The following GPC5 variants were observed in gnomAD, a reference collection of about 807,000 sequenced individuals.
The protein encoded by GPC5 is glypican-5.
A neutral mutation model predicts 53.9 loss-of-function variants in GPC5; 47 were observed. The ratio of observed to expected loss-of-function variants is 0.87; its 90% CI spans 0.69 to 1.11. The LOEUF (loss-of-function observed/expected upper bound fraction) is 1.11, where lower values mean the gene tolerates loss of function less well. Ranked by LOEUF, GPC5 falls within the 50% of genes most tolerant of loss-of-function variation. GPC5 has a pLI of 0.00. For synonymous variants in GPC5, 286 were observed against 263.3 expected (o/e 1.09, Z -0.84); for missense variants, 748 against 713.1 (o/e 1.05, Z -0.56).
At chr13:91,407,143 T>C (rs1016196986) in intron 1 of GPC5, among the ~76,000 whole-genome samples, 1 of 152,214 alleles carries the variant, frequency 6.6e-6, no homozygotes, top group South Asian at 2.1e-4. Context: ...TTATTTTTTA[T>C]GCTTAATGTT....
At chr13:92,783,190 A>T (rs1198202459) in intron 7 of GPC5, among the ~76,000 whole-genome samples, 1 of 152,184 alleles carries the variant, frequency 6.6e-6, no homozygotes, top group East Asian at 1.9e-4. Flanking sequence ...CTCATGACTC[A>T]GGTATCTTCT....
At chr13:91,953,020 G>C (rs1397861208) in intron 6 of GPC5, among the ~76,000 whole-genome samples, 2 of 152,148 alleles carry the variant, frequency 1.3e-5, no homozygotes, top group Non-Finnish European at 2.9e-5. Flanking sequence ...GTGTCCTGGA[G>C]AGGACAATAA....
intron 7 of GPC5, among the ~76,000 whole-genome samples, chr13:92,651,228 C>T (rs1307585711): frequency 7.7e-6 from 1 of 129,876 alleles, no homozygotes; most frequent in African/African-American, 2.7e-5. Context: ...CTGACCAATA[C>T]ACCATATGAA....
chr13:92,089,554 G>T (rs909557826), intron 6 of GPC5, among the ~76,000 whole-genome samples: 1 of 151,936 alleles, frequency 6.6e-6, no homozygotes, highest in Non-Finnish European at 1.5e-5. Context: ...TTTTAAAAAG[G>T]CATATTTTAA....
chr13:92,839,380 T>C (rs1878341442), intron 7 of GPC5, among the ~76,000 whole-genome samples: 1 of 152,160 alleles, frequency 6.6e-6, no homozygotes, highest in African/African-American at 2.4e-5. Flanking sequence ...GGTTTTGTTG[T>C]ACAGATTATC....
At chr13:91,710,202 T>C (rs2036196163) in intron 3 of GPC5, among the ~76,000 whole-genome samples, 1 of 152,250 alleles carries the variant, frequency 6.6e-6, no homozygotes, top group African/African-American at 2.4e-5. Context: ...TTTGTTAAAC[T>C]GAAATGACCT....
At chr13:91,982,785 T>A (rs2040370824) in intron 6 of GPC5, among the ~76,000 whole-genome samples, 1 of 152,200 alleles carries the variant, frequency 6.6e-6, no homozygotes, top group African/African-American at 2.4e-5. Context: ...TAGGTGGCTT[T>A]GATAATTGAC....
intron 5 of GPC5, among the ~76,000 whole-genome samples, chr13:91,830,222 G>A (rs1005660805): frequency 1.2e-4 from 18 of 151,974 alleles, no homozygotes; most frequent in African/African-American, 2.4e-4. Flanking sequence ...AGAATTCAGC[G>A]ATATTTCTCC....
chr13:92,014,394 G>A (rs1019952000), intron 6 of GPC5, among the ~76,000 whole-genome samples: 1 of 152,124 alleles, frequency 6.6e-6, no homozygotes, highest in Non-Finnish European at 1.5e-5. Flanking sequence ...TGCCCACGTT[G>A]TTGTTGGTGT....
chr13:92,685,546 T>TTTTTTTTTTAA (rs1555302904), intron 7 of GPC5, among the ~76,000 whole-genome samples: 4 of 93,686 alleles, frequency 4.3e-5, no homozygotes, highest in Non-Finnish European at 8.3e-5. Flanking sequence ...TTATGCTCAT[T>TTTTTTTTTTAA]TTTTTTTTTT....
chr13:92,384,789 C>T (rs923064498), intron 7 of GPC5, among the ~76,000 whole-genome samples: 1 of 152,102 alleles, frequency 6.6e-6, no homozygotes, highest in African/African-American at 2.4e-5. Flanking sequence ...TTCTTTCACC[C>T]GTGTGCCATT....
chr13:91,951,190 GCAA>G (rs1261902554), intron 6 of GPC5, among the ~76,000 whole-genome samples: 1 of 152,050 alleles, frequency 6.6e-6, no homozygotes, highest in Non-Finnish European at 1.5e-5. Context: ...CAATAAACAT[GCAA>G]CAATTTTAAT....
intron 7 of GPC5, among the ~76,000 whole-genome samples, chr13:92,403,376 G>A (rs1875644688): frequency 6.6e-6 from 1 of 152,178 alleles, no homozygotes; most frequent in Non-Finnish European, 1.5e-5. Flanking sequence ...TGTGGCCCAT[G>A]GCCTGTTAGG....
At chr13:92,772,983 T>C (rs878950372) in intron 7 of GPC5, among the ~76,000 whole-genome samples, 1 of 152,144 alleles carries the variant, frequency 6.6e-6, no homozygotes, top group African/African-American at 2.4e-5. Flanking sequence ...TAATAGTAAT[T>C]CCTGTTAAAA....
At chr13:92,812,963 T>C (rs554169498) in intron 7 of GPC5, among the ~76,000 whole-genome samples, 5 of 152,132 alleles carry the variant, frequency 3.3e-5, no homozygotes, top group Admixed American at 2.6e-4. Flanking sequence ...ATCAGTCTTA[T>C]CTTCTAAAAT....
At chr13:91,851,554 G>A (rs1404876163) in intron 5 of GPC5, among the ~76,000 whole-genome samples, 1 of 150,826 alleles carries the variant, frequency 6.6e-6, no homozygotes, top group Non-Finnish European at 1.5e-5. Context: ...CATTGTGCAG[G>A]TTAGTTACAT....
chr13:91,501,816 G>A (rs1461383395), intron 2 of GPC5, among the ~76,000 whole-genome samples: 4 of 152,158 alleles, frequency 2.6e-5, no homozygotes, highest in Non-Finnish European at 5.9e-5. Context: ...CTGAGGAATC[G>A]CCACACTGAC....
intron 6 of GPC5, among the ~76,000 whole-genome samples, chr13:91,996,886 C>T (rs939351839): frequency 6.6e-6 from 1 of 152,034 alleles, no homozygotes; most frequent in African/African-American, 2.4e-5. Context: ...CAATTGTATG[C>T]ATTTTTATTG....
At chr13:92,438,762 A>G (rs1877428839) in intron 7 of GPC5, among the ~76,000 whole-genome samples, 1 of 152,052 alleles carries the variant, frequency 6.6e-6, no homozygotes, top group Non-Finnish European at 1.5e-5. Context: ...GGCGGATTCT[A>G]AAACAATTGG....
Sources: allele counts gnomAD v4.1 joint callset (sites outside exome capture counted in the v4.1 genomes callset), GRCh38; gene constraint gnomAD v4.1.1; transcripts MANE v1.5; gene names NCBI Gene and HGNC (gene_info 2026-07-23, HGNC 2026-07-21).